DOCK9: variants seen among roughly 807,000 people sequenced by gnomAD.
The protein encoded by DOCK9 is dedicator of cytokinesis 9.
Under a neutral mutation model 263.3 loss-of-function variants are expected in DOCK9, and 89 were observed. The ratio of observed to expected loss-of-function variants is 0.34; its 90% confidence interval spans 0.28 to 0.40. The LOEUF (loss-of-function observed/expected upper bound fraction) is 0.40. Among genes scored for constraint, DOCK9 ranks in the 10% least tolerant of loss-of-function variants. The pLI, the probability that DOCK9 is intolerant of heterozygous loss-of-function variation, is 1.00. For missense variants in DOCK9, 2,140 were observed against 2,603.4 expected, an observed-to-expected ratio of 0.82 and a Z score of 3.87; for synonymous variants, 976 against 973.1, an observed-to-expected ratio of 1.00 and a Z score of -0.06.
At chr13:98,941,524 T>A (rs1461505019) in intron 2 of DOCK9, among the ~76,000 whole-genome samples, 3 of 152,230 alleles carry the variant, frequency 2.0e-5, no homozygotes, top group Admixed American at 2.0e-4. Context: ...AACATAAATG[T>A]TCAGAACCCT....
chr13:99,079,131 C>CGTG (rs1319530187), intron 1 of DOCK9, among the ~76,000 whole-genome samples: 1 of 152,184 alleles, frequency 6.6e-6, no homozygotes, highest in Non-Finnish European at 1.5e-5. Context: ...TGAATGCGGC[C>CGTG]GTGGAGTTGC....
At chr13:99,025,879 C>A (rs144796779) in intron 1 of DOCK9, among the ~76,000 whole-genome samples, 108 of 152,264 alleles carry the variant, frequency 7.1e-4, no homozygotes, top group African/African-American at 2.3e-3. Flanking sequence ...GAAGTATGAT[C>A]CATGCCACAG....
intron 1 of DOCK9, among the ~76,000 whole-genome samples, chr13:99,027,623 T>A (rs1339218180): frequency 2.0e-5 from 3 of 152,222 alleles, no homozygotes; most frequent in Non-Finnish European, 2.9e-5. Flanking sequence ...CATGATACGG[T>A]AAATGTGTGT....
At chr13:98,911,611 C>T (rs1344621399) in intron 9 of DOCK9, among the ~76,000 whole-genome samples, 1 of 151,402 alleles carries the variant, frequency 6.6e-6, no homozygotes, top group Non-Finnish European at 1.5e-5. Flanking sequence ...AGTTTTTTTT[C>T]AGGTCGGGCG....
At chr13:99,086,041 T>G (rs1366867232) in intron 1 of DOCK9, among the ~76,000 whole-genome samples, 1 of 151,970 alleles carries the variant, frequency 6.6e-6, no homozygotes, top group African/African-American at 2.4e-5. Context: ...TTGCAGCCCC[T>G]CCAGGACCTT....
chr13:98,928,023 A>AC (rs1252479551), intron 3 of DOCK9, among the ~76,000 whole-genome samples: 1 of 151,546 alleles, frequency 6.6e-6, no homozygotes, highest in Non-Finnish European at 1.5e-5. Flanking sequence ...AAAAAAACAA[A>AC]AAAAAACTCC....
chr13:98,843,974 A>T lies in DOCK9; in HGVS notation c.4198+1950T>A, dbSNP rs559561834. On this transcript the variant is annotated intron_variant, in intron 38 of 52. Coordinates refer to ENST00000682017, the MANE Select transcript of DOCK9 (RefSeq NM_001366683.2). ...AGCACTGGTGTACTTATGATTTTTT[A>T]AAAAGTGCTTCAAAGTTTAAGCATT... is the stretch of plus-strand genomic sequence containing the variant. Among the ~76,000 whole-genome samples the T allele has an allele frequency of 1.4e-3, 217 of 152,334 alleles. 7 individuals carry two copies. The South Asian group carries it at 0.042, about 30-fold the overall frequency.
intron 1 of DOCK9, among the ~76,000 whole-genome samples, chr13:98,961,353 G>C (rs957870650): frequency 6.6e-6 from 1 of 152,162 alleles, no homozygotes; most frequent in Non-Finnish European, 1.5e-5. Context: ...TTTCTGACAC[G>C]AGCCAGCTCC....
At chr13:98,818,697 AG>A (rs1414354726) in intron 45 of DOCK9, among the ~76,000 whole-genome samples, 3 of 152,084 alleles carry the variant, frequency 2.0e-5, no homozygotes, top group African/African-American at 7.2e-5. Context: ...TAGACTTAAA[AG>A]GAACTCAGTG....
intron 44 of DOCK9, 110 bp downstream of exon 44, chr13:98,826,720 C>T: frequency 1.1e-6 from 1 of 874,880 alleles, no homozygotes; most frequent in Non-Finnish European, 1.8e-6. Context: ...ATACACTTCA[C>T]AAACACACAA....
At chr13:98,885,416 C>T in intron 20 of DOCK9, 2 of 529,328 alleles carry the variant, frequency 3.8e-6, no homozygotes, top group Non-Finnish European at 6.9e-6. Flanking sequence ...CCAGCCTGGG[C>T]AACATGGCGA....
chr13:98,797,175 T>C lies in DOCK9; in HGVS notation c.6096A>G (p.Glu2032=), dbSNP rs2089524614. The change falls in exon 52 of 53, where the codon GAA becomes GAG. Residue 2032 remains glutamate (E), a synonymous_variant. Transcript: ENST00000682017. ...LIKEDQLEYQ[E]EMKANYREMA... is the part of the protein sequence containing the mutation. The stretch of plus-strand genomic sequence containing the variant: ...TTTCCCTGTAGTTGGCTTTCATTTC[T>C]TCCTGATACTCGAGCTGGTCTTCTT... 1.2e-6 allele frequency: 2 copies of C among 1,613,900 alleles called. No homozygotes were observed. The highest frequency in any genetic ancestry group is 1.3e-5 in the African/African-American group (1 of 74,922).
At chr13:98,856,217 T>C (rs1161983646) in intron 33 of DOCK9, 186 bp from the exon 34 acceptor site, 3 of 544,002 alleles carry the variant, frequency 5.5e-6, no homozygotes, top group Non-Finnish European at 9.5e-6. Context: ...AAAAAGAAAC[T>C]AGTCTGAAAC....
At chr13:98,989,688 T>C (rs1879367977) in intron 1 of DOCK9, among the ~76,000 whole-genome samples, 1 of 152,134 alleles carries the variant, frequency 6.6e-6, no homozygotes, top group Admixed American at 6.6e-5. Context: ...AGCCAAAAGT[T>C]TACCATCCTC....
chr13:98,988,462 AAAG>A (rs551755873), intron 1 of DOCK9, among the ~76,000 whole-genome samples: 108 of 152,328 alleles, frequency 7.1e-4, no homozygotes, highest in African/African-American at 2.3e-3. Flanking sequence ...CTTATTTTAC[AAAG>A]GAGGACAGCG....
In DOCK9 at chr13:98,863,008, T is replaced by C. The variant is rs1241102600; in HGVS notation, c.3579+11A>G. The stretch of plus-strand genomic sequence containing the variant: ...GATATAGGCTGAGTTAATGTGACCA[T>C]GCTTACGTACCATGCCCGCGTTCAC... On this transcript the variant is annotated intron_variant, in intron 32 of 52. Coordinates refer to ENST00000682017, the MANE Select transcript of DOCK9 (RefSeq NM_001366683.2). 3.1e-6 allele frequency: 5 copies of C among 1,592,650 alleles called. No individual in the cohort carries two copies. Among genetic ancestry groups the C allele is most frequent in the Admixed American group, 3.5e-5 (2 of 57,094 alleles).
At chr13:99,017,421 TAAAG>T (rs1885558632) in intron 1 of DOCK9, among the ~76,000 whole-genome samples, 1 of 152,084 alleles carries the variant, frequency 6.6e-6, no homozygotes, top group South Asian at 2.1e-4. Flanking sequence ...TCAACAGAAA[TAAAG>T]AGAGTACCTG....
intron 27 of DOCK9, among the ~76,000 whole-genome samples, chr13:98,875,767 G>C (rs1252318187): frequency 3.9e-5 from 6 of 152,124 alleles, no homozygotes; most frequent in African/African-American, 1.4e-4. Context: ...CTAGAGTCTG[G>C]CACAGTCATA....
At chr13:98,881,005 T>A (rs369394292) in intron 25 of DOCK9, among the ~76,000 whole-genome samples, 3 of 152,206 alleles carry the variant, frequency 2.0e-5, no homozygotes, top group African/African-American at 7.2e-5. Flanking sequence ...AATTATCACA[T>A]AGTTGTAATT....
Sources: gnomAD v4.1 joint callset for allele counts (sites outside exome capture counted in the v4.1 genomes callset) on GRCh38, gnomAD v4.1.1 for gene constraint, MANE v1.5 for transcripts, NCBI Gene and HGNC (gene_info 2026-07-23, HGNC 2026-07-21) for gene names.